Variants in CPA6 observed in about 807,000 individuals in gnomAD.
The protein encoded by CPA6 is carboxypeptidase A6, also known as carboxypeptidase B.
CPA6 carries 58 observed loss-of-function variants against 63.3 expected under a neutral mutation model. The ratio of observed to expected loss-of-function variants is 0.92; its 90% CI spans 0.74 to 1.14. The LOEUF is 1.14. Among genes scored for constraint, CPA6 ranks in the 50% most tolerant of loss-of-function variants. The pLI, the probability that CPA6 is intolerant of heterozygous loss-of-function variation, is 0.00. For synonymous variants in CPA6, 185 were observed against 179.0 expected, an observed-to-expected ratio of 1.03 and a Z score of -0.27; for missense variants, 565 against 526.6, an observed-to-expected ratio of 1.07 and a Z score of -0.71.
intron 1 of CPA6, among the ~76,000 whole-genome samples, chr8:67,658,459 C>T (rs1434339280): frequency 3.9e-5 from 6 of 152,164 alleles, no homozygotes; most frequent in African/African-American, 7.2e-5. Flanking sequence ...GATCCTCCCC[C>T]GTACCCACCT....
At chr8:67,617,948 G>C (rs1814996034) in intron 2 of CPA6, among the ~76,000 whole-genome samples, 1 of 152,240 alleles carries the variant, frequency 6.6e-6, no homozygotes, top group Non-Finnish European at 1.5e-5. Context: ...CAGGCTAGCA[G>C]GAGTGAGTAG....
intron 10 of CPA6, among the ~76,000 whole-genome samples, chr8:67,424,946 G>A (rs1020036735): frequency 6.6e-6 from 1 of 152,194 alleles, no homozygotes; most frequent in Non-Finnish European, 1.5e-5. Context: ...GGGAACTAGA[G>A]GTAGCCTGCA....
intron 2 of CPA6, among the ~76,000 whole-genome samples, chr8:67,590,375 C>T (rs1194420758): frequency 6.6e-6 from 1 of 151,468 alleles, no homozygotes; most frequent in Non-Finnish European, 1.5e-5. Context: ...TTTATAGCAG[C>T]ATGATTTATA....
At chr8:67,454,801 C>G (rs1453439294) in intron 8 of CPA6, among the ~76,000 whole-genome samples, 1 of 152,178 alleles carries the variant, frequency 6.6e-6, no homozygotes, top group African/African-American at 2.4e-5. Flanking sequence ...CATACATCAC[C>G]TTTTTAGTTT....
intron 1 of CPA6, among the ~76,000 whole-genome samples, chr8:67,660,681 C>T (rs992995933): frequency 6.6e-6 from 1 of 151,850 alleles, no homozygotes. Context: ...GTGCTTTCCA[C>T]CTTCCCCTAA....
Position 67,625,012 on chromosome 8 carries a change from A to G in CPA6, c.117-761T>C. On this transcript the variant is annotated intron_variant, in intron 1 of 10. Transcript: ENST00000297770. ...GAGATGGGAGCTCAGTCTCAAATCC[A>G]TCTCCCTGATGGACAAAAACTACAG... Among the ~76,000 whole-genome samples the G allele has an allele frequency of 1.3e-5, 2 of 152,056 alleles. 1 individual carries two copies. The highest frequency in any genetic ancestry group is 2.9e-5 in the Non-Finnish European group (2 of 68,020).
intron 2 of CPA6, among the ~76,000 whole-genome samples, chr8:67,560,142 C>A (rs539848550): frequency 9.7e-5 from 12 of 123,238 alleles, no homozygotes; most frequent in Admixed American, 9.0e-4. Flanking sequence ...GTTGGTATCA[C>A]ATCTTCTTGT....
At chr8:67,503,267 G>A (rs1398569623) in intron 6 of CPA6, among the ~76,000 whole-genome samples, 2 of 151,482 alleles carry the variant, frequency 1.3e-5, no homozygotes, top group Non-Finnish European at 2.9e-5. Flanking sequence ...TTGAACTCCT[G>A]ATCTCAAGTG....
chr8:67,633,685 A>AC (rs1815398164), intron 1 of CPA6, among the ~76,000 whole-genome samples: 1 of 151,874 alleles, frequency 6.6e-6, no homozygotes, highest in African/African-American at 2.4e-5. Flanking sequence ...CGTCTCAAAA[A>AC]AAAAAAAAAA....
intron 5 of CPA6, among the ~76,000 whole-genome samples, chr8:67,507,226 AACTCCTGGTCTC>A (rs1474083806): frequency 3.9e-5 from 6 of 151,926 alleles, no homozygotes; most frequent in Admixed American, 3.3e-4. Flanking sequence ...GCTGGTCTTG[AACTCCTGGTCTC>A]TTGCAATCCT....
intron 1 of CPA6, among the ~76,000 whole-genome samples, chr8:67,682,083 G>T (rs1816611465): frequency 6.9e-6 from 1 of 145,872 alleles, no homozygotes; most frequent in African/African-American, 2.5e-5. Flanking sequence ...TTTATTTGTG[G>T]TTTTAAGTAA....
intron 1 of CPA6, among the ~76,000 whole-genome samples, chr8:67,626,683 G>A (rs1815201914): frequency 6.6e-6 from 1 of 151,958 alleles, no homozygotes; most frequent in Admixed American, 6.6e-5. Context: ...ATCATACCCT[G>A]GCCTTTCTCA....
rs377252467 is a variant in CPA6, at chr8:67,551,074, C to T, written c.193-33027G>A. On this transcript the variant is annotated intron_variant, in intron 2 of 10. Transcript: ENST00000297770. Reference sequence around the variant, plus strand: ...TCAATTTTTATTTTTGTTGCAATTGCTTTTGAGGGCTTAGTCACAACTTCT... The same window carrying T: ...TCAATTTTTATTTTTGTTGCAATTGTTTTTGAGGGCTTAGTCACAACTTCT... Among the ~76,000 whole-genome samples the T allele has an allele frequency of 7.9e-5, 12 of 152,074 alleles. No homozygotes were observed. In the South Asian group the frequency reaches 1.5e-3, roughly 18 times the overall value.
intron 1 of CPA6, among the ~76,000 whole-genome samples, chr8:67,744,801 T>G (rs565875761): frequency 7.9e-5 from 12 of 152,226 alleles, no homozygotes; most frequent in African/African-American, 2.9e-4. Context: ...GTTAACTCCT[T>G]TCCGTTCCTC....
In CPA6 at chr8:67,422,583, A is replaced by G. The variant is rs1320184814; in HGVS notation, c.1235T>C (p.Met412Thr). The change falls in exon 11 of 11, where the codon ATG becomes ACG. Residue 412 changes from methionine to threonine, a missense_variant. Coordinates refer to ENST00000297770, the MANE Select transcript of CPA6 (RefSeq NM_020361.5). ...TTCTGTACAGGTGGGTTTGATGAGC[A>G]TCTCTGGGAGTAAAAATCCAAAATA... ...TGYFGFLLPE[M>T]LIKPTCTETM... The G allele has an allele frequency of 1.2e-6, 2 of 1,614,152 alleles. No homozygotes were observed. Among genetic ancestry groups the G allele is most frequent in the Admixed American group, 3.3e-5 (2 of 60,020 alleles).
chr8:67,542,933 ACTG>A (rs369176730), intron 2 of CPA6, among the ~76,000 whole-genome samples: 413 of 152,192 alleles, frequency 2.7e-3, no homozygotes, highest in African/African-American at 9.3e-3. Flanking sequence ...TTTCCATCAA[ACTG>A]CTGCTATTTA....
intron 1 of CPA6, among the ~76,000 whole-genome samples, chr8:67,630,508 T>C (rs1325715802): frequency 2.6e-5 from 4 of 152,236 alleles, no homozygotes; most frequent in African/African-American, 9.6e-5. Context: ...TTCTAGGACC[T>C]GCTGTACCAC....
intron 2 of CPA6, among the ~76,000 whole-genome samples, chr8:67,534,769 C>T (rs2128969537): frequency 6.6e-6 from 1 of 152,082 alleles, no homozygotes; most frequent in East Asian, 1.9e-4. Context: ...GCAGAACGTG[C>T]AGGTTTGTTA....
chr8:67,447,861 T>C (rs980218639), intron 8 of CPA6, among the ~76,000 whole-genome samples: 1 of 152,178 alleles, frequency 6.6e-6, no homozygotes, highest in African/African-American at 2.4e-5. Flanking sequence ...CTCAGCTCAC[T>C]GCAACCACTA....
Sources: allele counts gnomAD v4.1 joint callset (sites outside exome capture counted in the v4.1 genomes callset), GRCh38; gene constraint gnomAD v4.1.1; transcripts MANE v1.5; gene names NCBI Gene and HGNC (gene_info 2026-07-23, HGNC 2026-07-21).